TTC16: variants seen among roughly 807,000 people sequenced by gnomAD.
TTC16 encodes tetratricopeptide repeat domain 16, also known as tetratricopeptide repeat protein 16.
A neutral mutation model predicts 80.4 loss-of-function variants in TTC16; 66 were observed. That is an observed-to-expected ratio of 0.82 (90% CI 0.67 to 1.01). TTC16 has a LOEUF of 1.01. Ranked by LOEUF, TTC16 falls within the 50% of genes least tolerant of loss-of-function variation. TTC16 has a pLI of 0.00. For synonymous variants in TTC16, 438 were observed against 451.3 expected (o/e 0.97, Z 0.37); for missense variants, 1,070 against 1,103.2 (o/e 0.97, Z 0.43).
At chr9:127,724,454 G>T in intron 8 of TTC16, 90 bp downstream of exon 8, 18 of 1,494,706 alleles carry the variant, frequency 1.2e-5, no homozygotes, top group Non-Finnish European at 1.6e-5. Flanking sequence ...GCCCCTGGGG[G>T]GAAGGAGGAA....
chr9:127,731,173 G>T lies in TTC16; in HGVS notation c.2390G>T (p.Gly797Val), dbSNP rs772705369. Residue 797 changes from glycine to valine, a missense_variant, in exon 14 of 14, where the codon GGA (glycine) becomes GTA (valine). Coordinates refer to ENST00000373289, the MANE Select transcript of TTC16 (RefSeq NM_144965.3). Reference sequence around the variant, plus strand: ...GATGCCACCCAGGGCCGAAGCAGGGGACTGCTCCGAAGTTCCACCAAGACT... The same window carrying T: ...GATGCCACCCAGGGCCGAAGCAGGGTACTGCTCCGAAGTTCCACCAAGACT... ...KVDATQGRSRGLLRSSTKTEA... is the reference protein window; with the variant it reads ...KVDATQGRSRVLLRSSTKTEA... The T allele has an allele frequency of 1.2e-6, 2 of 1,612,692 alleles. No homozygotes were observed. Among genetic ancestry groups the T allele is most frequent in the South Asian group, 1.1e-5 (1 of 91,038 alleles).
At chr9:127,724,431 C>CT (rs761360186) in intron 8 of TTC16, 67 bp downstream of exon 8, 2 of 1,583,964 alleles carry the variant, frequency 1.3e-6, no homozygotes, top group Non-Finnish European at 1.7e-6. Flanking sequence ...AAGGCCCCCA[C>CT]TGGGCACTTG....
At chr9:127,717,906 T>A in intron 4 of TTC16, 134 bp downstream of exon 4, 1 of 1,190,448 alleles carries the variant, frequency 8.4e-7, no homozygotes, top group Non-Finnish European at 1.1e-6. Context: ...GCTGCCCCTC[T>A]CACCTCCAAG....
Position 127,731,099 on chromosome 9 carries a change from C to G in TTC16, c.2316C>G (p.Pro772=). 6.2e-7 allele frequency: 1 copy of G among 1,611,906 alleles called. No homozygotes were observed. The highest frequency in any genetic ancestry group is 8.5e-7 in the Non-Finnish European group (1 of 1,179,504). Residue 772 remains proline, a synonymous_variant, in exon 14 of 14, where the codon CCC becomes CCG. Transcript: ENST00000373289. ...CCACCCGGAGCCCAAGGCAGAGGCCCAGAAAGGTCAAGGCTGCTCGTGGCC... is the reference window on the plus strand; with the variant it reads ...CCACCCGGAGCCCAAGGCAGAGGCCGAGAAAGGTCAAGGCTGCTCGTGGCC... ...TKTTRSPRQR[P]RKVKAARGRS...
At chr9:127,725,748 T>C (rs941377391) in intron 9 of TTC16, among the ~76,000 whole-genome samples, 17 of 151,592 alleles carry the variant, frequency 1.1e-4, no homozygotes, top group African/African-American at 4.1e-4. Context: ...TACAGGCACC[T>C]GCCACCACGC....
chr9:127,720,683 C>T (rs1013933125), intron 6 of TTC16, among the ~76,000 whole-genome samples: 18 of 152,042 alleles, frequency 1.2e-4, no homozygotes, highest in African/African-American at 4.3e-4. Context: ...GGATGGAGCT[C>T]ACACCCTGGG....
chr9:127,723,189 T>C lies in TTC16; in HGVS notation c.728T>C (p.Leu243Pro), dbSNP rs930923753. The C allele has an allele frequency of 3.1e-6, 5 of 1,612,722 alleles. No homozygotes were observed. In the African/African-American group the frequency reaches 5.3e-5, roughly 17 times the overall value. The change falls in exon 7 of 14, where the codon CTG becomes CCG. Residue 243 changes from leucine to proline, a missense_variant. By Grantham distance (98) the Leu-to-Pro change is moderately conservative. Coordinates refer to ENST00000373289, the MANE Select transcript of TTC16 (RefSeq NM_144965.3). ...CCCAAGCACCCGCAGGCCAGGATGC[T>C]GCTCCAGAAGATGGTGGCCCAGGCC... ...LNPKHPQARM[L>P]LQKMVAQAQQ...
At position 127,724,750 on chromosome 9, in the gene TTC16, C is replaced by T. The variant is rs1472493892; in HGVS notation, c.1118-6C>T. The T allele has an allele frequency of 1.9e-6, 3 of 1,608,028 alleles. No homozygotes were observed. Among genetic ancestry groups the T allele is most frequent in the African/African-American group, 2.7e-5 (2 of 74,918 alleles). ...GGGTCCACTCACCCCCGCCTCCGGA[C>T]CCTAGATTGCTTCTTCCAGCTGGGC... On this transcript the variant is annotated splice_region_variant and splice_polypyrimidine_tract_variant and intron_variant, in intron 8 of 13. Coordinates refer to ENST00000373289, the MANE Select transcript of TTC16 (RefSeq NM_144965.3).
At chr9:127,726,128 G>T in intron 9 of TTC16, 111 bp from the exon 10 acceptor site, 1 of 879,092 alleles carries the variant, frequency 1.1e-6, no homozygotes, top group South Asian at 2.7e-5. Flanking sequence ...CGTGGTGAGG[G>T]GAGCAGACCT....
chr9:127,731,018 C>A lies in TTC16; in HGVS notation c.2235C>A (p.Ser745Arg). Reference sequence around the variant, plus strand: ...AGGCCACTCAGGGCCAGAGGCAGAGCTCCAGCGAGATTGAGGCCACCCAGG... The same window carrying A: ...AGGCCACTCAGGGCCAGAGGCAGAGATCCAGCGAGATTGAGGCCACCCAGG... ...KTEATQGQRQ[S>R]SSEIEATQGP... The change falls in exon 14 of 14, where the codon AGC becomes AGA. Residue 745 changes from serine to arginine, a missense_variant. Physicochemically the swap from Ser to Arg is moderately radical, Grantham distance 110. Transcript: ENST00000373289. 1 of 1,612,156 alleles carries A rather than the reference C, an allele frequency of 6.2e-7. No individual in the cohort carries two copies. The highest frequency in any genetic ancestry group is 8.5e-7 in the Non-Finnish European group (1 of 1,179,658).
Position 127,720,184 on chromosome 9 carries a change from T to G in TTC16, c.527+6T>G. The G allele has an allele frequency of 6.2e-7, 1 of 1,613,480 alleles. No homozygotes were observed. Among genetic ancestry groups the G allele is most frequent in the African/African-American group, 1.3e-5 (1 of 75,002 alleles). ...CCATGCTTCCGTTACCGATGGTGAG[T>G]GCCCCTGCCAGCCCCTTCTCCCAGC... On this transcript the variant is annotated splice_donor_region_variant and intron_variant, in intron 5 of 13. Transcript: ENST00000373289.
intron 12 of TTC16, chr9:127,727,721 T>C (rs1053256921): frequency 4.3e-5 from 28 of 644,668 alleles, no homozygotes; most frequent in Non-Finnish European, 5.2e-5. Flanking sequence ...GTCACTGTCA[T>C]GAATTCTACT....
At chr9:127,725,111 AAAAAATTT>A (rs1251161654) in intron 9 of TTC16, among the ~76,000 whole-genome samples, 1 of 152,210 alleles carries the variant, frequency 6.6e-6, no homozygotes, top group African/African-American at 2.4e-5. Flanking sequence ...TAAAAATATA[AAAAAATTT>A]AAAAATTAGC....
chr9:127,727,007 C>T lies in TTC16; in HGVS notation c.1463C>T (p.Ser488Leu), dbSNP rs749951537. The stretch of plus-strand genomic sequence containing the variant: ...ATGACCAACCTCTTCCCGGGCATGT[C>T]GGTGGAGGAGGTGCTTAGCACCCAG... ...LLMTNLFPGM[S>L]VEEVLSTQIA... The change falls in exon 11 of 14, where the codon TCG becomes TTG. Residue 488 changes from serine (S) to leucine (L), a missense_variant. Ser to Leu is a moderately radical substitution (Grantham distance 145). Transcript: ENST00000373289. 3.7e-6 allele frequency: 6 copies of T among 1,613,066 alleles called. No individual in the cohort carries two copies. The highest frequency in any genetic ancestry group is 1.1e-5 in the South Asian group (1 of 91,082).
chr9:127,725,001 TC>T (rs2095239315), intron 9 of TTC16, 104 bp downstream of exon 9: 2 of 1,343,652 alleles, frequency 1.5e-6, no homozygotes, highest in Non-Finnish European at 2.0e-6. Context: ...GCTTCTCTCC[TC>T]GGGGGCGATG....
At chr9:127,727,719 C>G in intron 12 of TTC16, 2 of 675,622 alleles carry the variant, frequency 3.0e-6, no homozygotes, top group Non-Finnish European at 4.3e-6. Context: ...TGGTCACTGT[C>G]ATGAATTCTA....
chr9:127,725,118 T>G (rs1843828856), intron 9 of TTC16, among the ~76,000 whole-genome samples: 1 of 152,026 alleles, frequency 6.6e-6, no homozygotes, highest in Non-Finnish European at 1.5e-5. Flanking sequence ...ATAAAAAAAT[T>G]TAAAAATTAG....
Position 127,723,124 on chromosome 9 carries a change from C to A in TTC16, c.663C>A (p.His221Gln). ...CCACCCATGGCCTCCTGCAGCCCCA[C>A]CTCTGCTACCGGGACCTGCACAGCG... ...ARLYNFLQKP[H>Q]LCYRDLHSAL... Residue 221 changes from histidine to glutamine, a missense_variant, in exon 7 of 14, where the codon CAC becomes CAA. Transcript: ENST00000373289. 1 of 1,610,896 alleles carries A rather than the reference C, an allele frequency of 6.2e-7. No individual in the cohort carries two copies.
rs371036890 is a variant in TTC16, at chr9:127,727,517, G to A, written c.1764+52G>A. On this transcript the variant is annotated intron_variant, in intron 12 of 13. Coordinates refer to ENST00000373289, the MANE Select transcript of TTC16 (RefSeq NM_144965.3). ...GAGCCCTTGGGGTCTGGGGCACAGC[G>A]TACCCCAGCCCAGGGCTGAAGGATG... The A allele has an allele frequency of 4.3e-5, 67 of 1,540,790 alleles. No homozygotes were observed. The Middle Eastern group carries it at 5.0e-4, about 12-fold the overall frequency.
Sources: allele counts gnomAD v4.1 joint callset (sites outside exome capture counted in the v4.1 genomes callset), GRCh38; gene constraint gnomAD v4.1.1; transcripts MANE v1.5; gene names NCBI Gene and HGNC (gene_info 2026-07-23, HGNC 2026-07-21).